Variants in ADCY1 observed in about 807,000 individuals in gnomAD.
ADCY1 encodes adenylate cyclase 1.
ADCY1 carries 28 observed loss-of-function variants against 105.4 expected under a neutral mutation model. That is an observed-to-expected ratio of 0.27 (90% CI 0.20 to 0.36). ADCY1 has a LOEUF of 0.36. Ranked by LOEUF, ADCY1 falls within the 10% of genes least tolerant of loss-of-function variation. ADCY1 has a pLI of 1.00. For synonymous variants in ADCY1, 655 were observed against 623.8 expected (o/e 1.05, Z -0.75); for missense variants, 977 against 1,434.2 (o/e 0.68, Z 5.15).
At position 45,641,782 on chromosome 7, in the gene ADCY1, C is replaced by T. The variant is rs868322586; in HGVS notation, c.1021-6888C>T. Among the ~76,000 whole-genome samples the T allele has an allele frequency of 1.0e-4, 15 of 142,878 alleles. No homozygotes were observed. The South Asian group carries it at 1.8e-3, about 17-fold the overall frequency. The allele number at this position is 142,878 out of a possible 152,430, so 93.7% of individuals were successfully genotyped here. On this transcript the variant is annotated intron_variant, in intron 4 of 19. Transcript: ENST00000297323. ...TCTACTAAAAATACAAAAAATTAGCCAGGCGCGGTGGCGGGCGCCTGTAGT... is the reference window on the plus strand; with the variant it reads ...TCTACTAAAAATACAAAAAATTAGCTAGGCGCGGTGGCGGGCGCCTGTAGT...
At chr7:45,709,966 G>A (rs543919464) in intron 18 of ADCY1, among the ~76,000 whole-genome samples, 3 of 152,310 alleles carry the variant, frequency 2.0e-5, no homozygotes, top group South Asian at 4.1e-4. Flanking sequence ...GCAGCTGTCC[G>A]GAGGCCAGTT....
At position 45,652,898 on chromosome 7, in the gene ADCY1, G is replaced by A. The variant is rs868265876; in HGVS notation, c.1148+4101G>A. On this transcript the variant is annotated intron_variant, in intron 5 of 19. Transcript: ENST00000297323. The stretch of plus-strand genomic sequence containing the variant: ...CAGCATCCAAAGGCCAGAGCAGTGG[G>A]CTGGGGCATCTCCAAGGCTCTGGGC... 5.9e-5 allele frequency among the ~76,000 whole-genome samples: 9 copies of A among 152,344 alleles called. No homozygotes were observed. In the Middle Eastern group the frequency reaches 0.01, roughly 173 times the overall value.
At chr7:45,588,843 T>C (rs1792813866) in intron 1 of ADCY1, among the ~76,000 whole-genome samples, 1 of 151,854 alleles carries the variant, frequency 6.6e-6, no homozygotes, top group Non-Finnish European at 1.5e-5. Context: ...TGCTGTATCC[T>C]TTGACACACC....
intron 4 of ADCY1, among the ~76,000 whole-genome samples, chr7:45,641,708 T>C (rs1231395720): frequency 6.7e-6 from 1 of 149,866 alleles, no homozygotes; most frequent in Non-Finnish European, 1.5e-5. Context: ...AGGTGGATCA[T>C]GAGGTCAGGA....
In ADCY1 at chr7:45,576,498, C is replaced by A. The variant is rs1792353121; in HGVS notation, c.639+1316C>A. 2.0e-5 allele frequency among the ~76,000 whole-genome samples: 3 copies of A among 151,748 alleles called. No homozygotes were observed. The South Asian group carries it at 6.3e-4, about 32-fold the overall frequency. ...GTACATGGAGAATTGTCAAAGAGGG[C>A]GTCGGAGGAAGAGAGGAAGAGAGGT... On this transcript the variant is annotated intron_variant, in intron 1 of 19. Transcript: ENST00000297323.
At chr7:45,685,190 G>C in intron 12 of ADCY1, 122 bp downstream of exon 12, 2 of 940,344 alleles carry the variant, frequency 2.1e-6, no homozygotes, top group Non-Finnish European at 3.4e-6. Context: ...TCAGTAACAG[G>C]CATGGGGCCC....
intron 1 of ADCY1, among the ~76,000 whole-genome samples, chr7:45,588,276 C>T (rs1199066233): frequency 6.6e-6 from 1 of 152,040 alleles, no homozygotes; most frequent in African/African-American, 2.4e-5. Flanking sequence ...GCTTTACTTT[C>T]TGGCCCTGCA....
chr7:45,575,074 G>T lies in ADCY1; in HGVS notation c.531G>T (p.Leu177=). 6.2e-7 allele frequency: 1 copy of T among 1,612,778 alleles called. No individual in the cohort carries two copies. The highest frequency in any genetic ancestry group is 1.7e-5 in the Admixed American group (1 of 60,016). The change falls in exon 1 of 20, where the codon CTG becomes CTT. Residue 177 remains leucine (L), a synonymous_variant. Coordinates refer to ENST00000297323, the MANE Select transcript of ADCY1 (RefSeq NM_021116.4). The surrounding 1 kb of genome is among the most constrained non-coding windows in gnomAD (Gnocchi z 4.7). ...LLVTFVSYAL[L]PVRSLLAIGF... The stretch of plus-strand genomic sequence containing the variant: ...TCACCTTCGTGTCCTATGCCTTGCT[G>T]CCCGTGCGCAGCCTGCTGGCCATAG...
chr7:45,693,107 C>T (rs553983749), intron 14 of ADCY1, among the ~76,000 whole-genome samples: 2 of 152,260 alleles, frequency 1.3e-5, no homozygotes, highest in East Asian at 1.9e-4. Flanking sequence ...TTTCGAAAAG[C>T]GATAGAATCG....
At position 45,662,074 on chromosome 7, in the gene ADCY1, A is replaced by G. The variant is rs745437587; in HGVS notation, c.1465A>G (p.Ile489Val). The change falls in exon 8 of 20, where the codon ATT (isoleucine) becomes GTT (valine). Residue 489 changes from isoleucine to valine, a missense_variant. Transcript: ENST00000297323. The part of the protein sequence containing the change: ...SHRRKIFPGL[I>V]LSDIKPAKRM... ...GTTTGGACAGATATTTCCAGGCCTGATTCTCTCAGATATAAAACCGGCCAA... is the reference window on the plus strand; with the variant it reads ...GTTTGGACAGATATTTCCAGGCCTGGTTCTCTCAGATATAAAACCGGCCAA... 1.7e-5 allele frequency: 28 copies of G among 1,613,846 alleles called. No homozygotes were observed. In the South Asian group the frequency reaches 2.6e-4, roughly 15 times the overall value.
At position 45,686,557 on chromosome 7, in the gene ADCY1, GTCTCCGGGCGCA is replaced by G; in HGVS notation, c.2339_2350del (p.Val780_Ser784delinsGly). ...CTCATCTTCCCCCAGGGGTGGTGCC[GTCTCCGGGCGCA>G]GCTACGAGCCGATTGTGGCCATCCT... On this transcript the variant is annotated inframe_deletion, in exon 14 of 20. Coordinates refer to ENST00000297323, the MANE Select transcript of ADCY1 (RefSeq NM_021116.4). This position sits in a 1 kb window ranked among gnomAD's most constrained non-coding sequence, Gnocchi z 4.3. 6.2e-7 allele frequency: 1 copy of G among 1,611,106 alleles called. No homozygotes were observed. The highest frequency in any genetic ancestry group is 8.5e-7 in the Non-Finnish European group (1 of 1,178,108).
intron 8 of ADCY1, among the ~76,000 whole-genome samples, chr7:45,677,545 T>TG (rs1264882578): frequency 1.3e-5 from 2 of 152,144 alleles, no homozygotes; most frequent in Non-Finnish European, 2.9e-5. Flanking sequence ...CTGCATGTGT[T>TG]GGGGTTTTAT....
At chr7:45,699,610 C>T (rs1173094928) in intron 14 of ADCY1, among the ~76,000 whole-genome samples, 2 of 139,868 alleles carry the variant, frequency 1.4e-5, no homozygotes, top group Non-Finnish European at 3.1e-5. Flanking sequence ...TGCTGGGGGA[C>T]GGGAGGGTGG....
At chr7:45,586,375 A>G (rs937200435) in intron 1 of ADCY1, among the ~76,000 whole-genome samples, 2 of 152,146 alleles carry the variant, frequency 1.3e-5, no homozygotes, top group African/African-American at 4.8e-5. Context: ...TGATGACGGG[A>G]GCTCAGGGAG....
chr7:45,712,017 TTA>T lies in ADCY1; in HGVS notation c.3057+1371_3057+1372del, dbSNP rs1197442622. ...TTATATATTATATTAAATATATATT[TTA>T]TATATTATACTAAATATATATTTTA... On this transcript the variant is annotated intron_variant, in intron 19 of 19. Transcript: ENST00000297323. Among the ~76,000 whole-genome samples, 14 of 111,990 alleles carry T rather than the reference TTA, an allele frequency of 1.3e-4. 1 individual carries two copies. 73.5% of individuals were successfully genotyped at this position (111,990 alleles called of 152,430 possible). A position where few individuals can be genotyped will look rare whatever the true frequency, so the allele number is the denominator to read the frequency against.
chr7:45,697,477 C>T (rs1376697211), intron 14 of ADCY1, among the ~76,000 whole-genome samples: 1 of 149,022 alleles, frequency 6.7e-6, no homozygotes, highest in Non-Finnish European at 1.5e-5. Context: ...CACAACCTCT[C>T]CCTCCCGGGT....
intron 4 of ADCY1, among the ~76,000 whole-genome samples, chr7:45,633,927 A>T (rs1253374285): frequency 1.3e-5 from 2 of 152,028 alleles, no homozygotes; most frequent in Non-Finnish European, 2.9e-5. Flanking sequence ...ATCAACTGTT[A>T]ATGTTATTGG....
Position 45,714,059 on chromosome 7 carries a change from A to G in ADCY1, c.*64A>G. On this transcript the variant is annotated 3_prime_UTR_variant, in exon 20 of 20. Coordinates refer to ENST00000297323, the MANE Select transcript of ADCY1 (RefSeq NM_021116.4). The stretch of plus-strand genomic sequence containing the variant: ...GAATGCTCCGGGGGTGACACAGGCC[A>G]CGGTGGCTCCAGCCAGGACCAGCCA... 1 of 689,398 alleles carries G rather than the reference A, an allele frequency of 1.5e-6. No homozygotes were observed. Among genetic ancestry groups the G allele is most frequent in the South Asian group, 1.6e-5 (1 of 60,954 alleles). The allele number at this position is 689,398 out of a possible 1,614,324, so 42.7% of individuals were successfully genotyped here.
chr7:45,690,157 C>T (rs942045435), intron 14 of ADCY1, among the ~76,000 whole-genome samples: 83 of 152,066 alleles, frequency 5.5e-4, no homozygotes, highest in African/African-American at 9.7e-5. Context: ...CGGAAGTGGT[C>T]GTGTGGAGTC....
Sources: allele counts gnomAD v4.1 joint callset (sites outside exome capture counted in the v4.1 genomes callset), GRCh38; gene constraint gnomAD v4.1.1; non-coding constraint Gnocchi (gnomAD v3.1); transcripts MANE v1.5; gene names NCBI Gene and HGNC (gene_info 2026-07-23, HGNC 2026-07-21).